ROR2: variants seen among roughly 807,000 people sequenced by gnomAD.
ROR2 encodes the protein tyrosine-protein kinase transmembrane receptor ROR2.
Under a neutral mutation model 74.9 loss-of-function variants are expected in ROR2, and 33 were observed. The ratio of observed to expected loss-of-function variants is 0.44; its 90% confidence interval spans 0.33 to 0.59. The LOEUF (loss-of-function observed/expected upper bound fraction) is 0.59. ROR2 is among the 20% of genes least tolerant of loss of function. The pLI is 0.02. For missense variants in ROR2, 1,216 were observed against 1,313.8 expected, an observed-to-expected ratio of 0.93 and a Z score of 1.15; for synonymous variants, 586 against 558.7, an observed-to-expected ratio of 1.05 and a Z score of -0.69.
intron 5 of ROR2, among the ~76,000 whole-genome samples, chr9:91,736,492 G>A (rs1444245469): frequency 2.0e-5 from 3 of 152,192 alleles, no homozygotes; most frequent in South Asian, 4.1e-4. Context: ...ATCTGCAGCA[G>A]AGCCTCCCGC....
chr9:91,724,914 A>G lies in ROR2; in HGVS notation c.1580T>C (p.Leu527Pro), dbSNP rs1836965614. ...LREEFRHEAM[L>P]RARLQHPNVV... ...GTTGGGGTGTTGCAGCCGTGCTCGC[A>G]GCATAGCCTCATGCCGGAACTCCTC... The change falls in exon 9 of 9, where the codon CTG becomes CCG. Residue 527 changes from leucine (L) to proline (P), a missense_variant. Physicochemically the swap from Leu to Pro is moderately conservative, Grantham distance 98. Coordinates refer to ENST00000375708, the MANE Select transcript of ROR2 (RefSeq NM_004560.4). 6.2e-7 allele frequency: 1 copy of G among 1,610,808 alleles called. No individual in the cohort carries two copies. Among genetic ancestry groups the G allele is most frequent in the African/African-American group, 1.3e-5 (1 of 74,878 alleles).
chr9:91,722,864 C>A lies in ROR2; in HGVS notation c.*798G>T, dbSNP rs1338171222. On this transcript the variant is annotated 3_prime_UTR_variant, in exon 9 of 9. Transcript: ENST00000375708. ...TGGCATATTAAAAACATATAAATTA[C>A]ATTTAAGCTCTGTACATGATTCTTA... 2 of 513,340 alleles carry A rather than the reference C, an allele frequency of 3.9e-6. No individual in the cohort carries two copies. The highest frequency in any genetic ancestry group is 3.4e-5 in the East Asian group (1 of 29,782). The allele number at this position is 513,340 out of a possible 1,614,324, so 31.8% of individuals were successfully genotyped here. A position where few individuals can be genotyped will look rare whatever the true frequency, so the allele number is the denominator to read the frequency against.
chr9:91,726,677 A>G lies in ROR2; in HGVS notation c.1250T>C (p.Val417Ala). Residue 417 changes from valine (V) to alanine (A), a missense_variant, in exon 8 of 9, where the codon GTC becomes GCC. Val to Ala is a moderately conservative substitution (Grantham distance 64). Coordinates refer to ENST00000375708, the MANE Select transcript of ROR2 (RefSeq NM_004560.4). ...ILVPSIAIPL[V>A]IACLFFLVCM... ...AACCAAGAAGAAAAGGCAAGCGATG[A>G]CCAGTGGAATTGCGATGCTGGGGAC... 6.2e-7 allele frequency: 1 copy of G among 1,613,884 alleles called. No individual in the cohort carries two copies. Among genetic ancestry groups the G allele is most frequent in the Non-Finnish European group, 8.5e-7 (1 of 1,179,998 alleles).
intron 1 of ROR2, among the ~76,000 whole-genome samples, chr9:91,897,045 G>A (rs1487466251): frequency 3.3e-5 from 5 of 152,216 alleles, no homozygotes; most frequent in South Asian, 2.1e-4. Context: ...CTCCTCTTCC[G>A]TGTTCGGTGC....
In ROR2 at chr9:91,733,897, C is replaced by T. The variant is rs549741956; in HGVS notation, c.623-461G>A. Among the ~76,000 whole-genome samples, 2 of 152,214 alleles carry T rather than the reference C, an allele frequency of 1.3e-5. No individual in the cohort carries two copies. The highest frequency in any genetic ancestry group is 2.4e-5 in the African/African-American group (1 of 41,540). On this transcript the variant is annotated intron_variant, in intron 5 of 8. Transcript: ENST00000375708. This position sits in a 1 kb window ranked among gnomAD's most constrained non-coding sequence, Gnocchi z 5.7. ...GATCTGTCTGGGGAGAAGGCTGTCC[C>T]GGAAGAGGGAGTCAGCTCAGCTCTG...
intron 1 of ROR2, among the ~76,000 whole-genome samples, chr9:91,861,590 G>A (rs1829469546): frequency 6.6e-6 from 1 of 152,170 alleles, no homozygotes; most frequent in Non-Finnish European, 1.5e-5. Flanking sequence ...TCCTCACTAA[G>A]TACACAAAAA....
chr9:91,813,355 G>C (rs1827821864), intron 1 of ROR2, among the ~76,000 whole-genome samples: 1 of 152,162 alleles, frequency 6.6e-6, no homozygotes, highest in African/African-American at 2.4e-5. Context: ...TTGTCTAAAT[G>C]TATTTATACT....
intron 1 of ROR2, among the ~76,000 whole-genome samples, chr9:91,823,754 C>T (rs1360271121): frequency 2.0e-5 from 3 of 152,152 alleles, no homozygotes; most frequent in South Asian, 4.1e-4. Context: ...AATGAAAAGA[C>T]GGGAAGGAAT....
Position 91,871,841 on chromosome 9 carries a change from C to G in ROR2, c.97+78026G>C, listed in dbSNP as rs569909653. 1.8e-3 allele frequency among the ~76,000 whole-genome samples: 269 copies of G among 152,142 alleles called. 1 individual carries two copies. Among genetic ancestry groups the G allele is most frequent in the Non-Finnish European group, 2.3e-3 (156 of 68,022 alleles). ...CGTATGGGTTCTTGGGTCGAGAGACCCCCCCAGCACCCAACAGCACCACCA... is the reference window on the plus strand; with the variant it reads ...CGTATGGGTTCTTGGGTCGAGAGACGCCCCCAGCACCCAACAGCACCACCA... On this transcript the variant is annotated intron_variant, in intron 1 of 8. Transcript: ENST00000375708.
Position 91,722,827 on chromosome 9 carries a change from C to T in ROR2, c.*835G>A, listed in dbSNP as rs1212633691. On this transcript the variant is annotated 3_prime_UTR_variant, in exon 9 of 9. Transcript: ENST00000375708. ...CTAAAGTCATCTTAAGACCAAAATA[C>T]TTCAATGAAAATGGCATATTAAAAA... is the stretch of plus-strand genomic sequence containing the variant. 3.5e-6 allele frequency: 2 copies of T among 569,334 alleles called. No individual in the cohort carries two copies. Among genetic ancestry groups the T allele is most frequent in the South Asian group, 2.2e-5 (1 of 45,154 alleles). The allele number at this position is 569,334 out of a possible 1,614,324, so 35.3% of individuals were successfully genotyped here.
At chr9:91,792,596 T>C (rs570491106) in intron 1 of ROR2, among the ~76,000 whole-genome samples, 180 of 152,008 alleles carry the variant, frequency 1.2e-3, no homozygotes, top group South Asian at 5.8e-3. Flanking sequence ...GCATGAGCCA[T>C]GCGCCCAGCC....
At chr9:91,766,992 C>T (rs1398730462) in intron 2 of ROR2, among the ~76,000 whole-genome samples, 1 of 152,168 alleles carries the variant, frequency 6.6e-6, no homozygotes, top group African/African-American at 2.4e-5. Flanking sequence ...GGAGCTGAGT[C>T]CAAGCATCAA....
At chr9:91,749,386 C>A (rs1825535484) in intron 4 of ROR2, among the ~76,000 whole-genome samples, 1 of 152,164 alleles carries the variant, frequency 6.6e-6, no homozygotes, top group South Asian at 2.1e-4. Context: ...CCAGATGGCA[C>A]CTGAGATCTC....
At chr9:91,774,690 T>C (rs1826360931) in intron 2 of ROR2, among the ~76,000 whole-genome samples, 1 of 152,126 alleles carries the variant, frequency 6.6e-6, no homozygotes, top group Non-Finnish European at 1.5e-5. Context: ...AATTTGGGGT[T>C]TATACATCAG....
chr9:91,790,593 T>C (rs1826939280), intron 1 of ROR2, among the ~76,000 whole-genome samples: 1 of 152,204 alleles, frequency 6.6e-6, no homozygotes, highest in Non-Finnish European at 1.5e-5. Context: ...ACTATGTTGT[T>C]GGTTTATGTA....
chr9:91,929,404 C>T (rs1831493522), intron 1 of ROR2, among the ~76,000 whole-genome samples: 1 of 152,190 alleles, frequency 6.6e-6, no homozygotes, highest in Non-Finnish European at 1.5e-5. Flanking sequence ...CAGTGGTCAG[C>T]ATGGACGCCC....
At chr9:91,796,118 C>A (rs1261034677) in intron 1 of ROR2, among the ~76,000 whole-genome samples, 1 of 152,138 alleles carries the variant, frequency 6.6e-6, no homozygotes, top group Non-Finnish European at 1.5e-5. Flanking sequence ...AGACTGAACA[C>A]GTTCCCCAGG....
chr9:91,890,205 G>A (rs1001342656), intron 1 of ROR2, among the ~76,000 whole-genome samples: 1 of 152,172 alleles, frequency 6.6e-6, no homozygotes, highest in Admixed American at 6.5e-5. Flanking sequence ...AAGGGCCACC[G>A]ATGGAGACAC....
intron 1 of ROR2, among the ~76,000 whole-genome samples, chr9:91,809,174 A>G (rs777329391): frequency 4.6e-5 from 7 of 152,200 alleles, no homozygotes; most frequent in African/African-American, 1.7e-4. Context: ...AATAGTCTAC[A>G]ATGTCACTCC....
Sources: gnomAD v4.1 joint callset for allele counts (sites outside exome capture counted in the v4.1 genomes callset) on GRCh38, gnomAD v4.1.1 for gene constraint, Gnocchi (gnomAD v3.1) non-coding constraint, MANE v1.5 for transcripts, NCBI Gene and HGNC (gene_info 2026-07-23, HGNC 2026-07-21) for gene names.